The following CYP2C19 variants were observed in gnomAD, a reference collection of about 807,000 sequenced individuals.
CYP2C19 encodes the protein cytochrome P450 family 2 subfamily C member 19.
Under a neutral mutation model 40.9 loss-of-function variants are expected in CYP2C19, and 59 were observed. That is an observed-to-expected ratio of 1.44 (90% CI 1.17 to 1.79). The LOEUF is 1.79. Among genes scored for constraint, CYP2C19 ranks in the 40% most tolerant of loss-of-function variants. The pLI, the probability that CYP2C19 is intolerant of heterozygous loss-of-function variation, is 0.00. For synonymous variants in CYP2C19, 253 were observed against 208.7 expected, an observed-to-expected ratio of 1.21 and a Z score of -1.83; for missense variants, 754 against 596.9, an observed-to-expected ratio of 1.26 and a Z score of -2.74.
chr10:94,779,733 G>T (rs957406028), intron 3 of CYP2C19, among the ~76,000 whole-genome samples: 3 of 151,502 alleles, frequency 2.0e-5, no homozygotes, highest in Non-Finnish European at 4.4e-5. Context: ...ACTAATTTTT[G>T]CATCCTTAGC....
At chr10:94,798,475 G>T (rs868568404) in intron 5 of CYP2C19, among the ~76,000 whole-genome samples, 1 of 152,108 alleles carries the variant, frequency 6.6e-6, no homozygotes, top group Admixed American at 6.5e-5. Context: ...CTGTTGATTT[G>T]GGGTGGCGAG....
chr10:94,844,266 A>G (rs1388202795), intron 7 of CYP2C19, among the ~76,000 whole-genome samples: 2 of 152,242 alleles, frequency 1.3e-5, no homozygotes, highest in Non-Finnish European at 2.9e-5. Context: ...GCAGAATTTC[A>G]GAGGATGTTT....
intron 7 of CYP2C19, among the ~76,000 whole-genome samples, chr10:94,848,539 T>C: frequency 6.6e-6 from 1 of 152,184 alleles, no homozygotes; most frequent in African/African-American, 2.4e-5. Flanking sequence ...TCTTTTGGCT[T>C]AGGATTGACT....
At chr10:94,799,139 A>G (rs1409779257) in intron 5 of CYP2C19, among the ~76,000 whole-genome samples, 1 of 151,812 alleles carries the variant, frequency 6.6e-6, no homozygotes, top group African/African-American at 2.4e-5. Flanking sequence ...AGTGGCTCGT[A>G]TGGTTTGTTC....
At chr10:94,847,421 G>A (rs900459663) in intron 7 of CYP2C19, among the ~76,000 whole-genome samples, 6 of 152,098 alleles carry the variant, frequency 3.9e-5, no homozygotes, top group Admixed American at 1.3e-4. Context: ...CATTTTTTAT[G>A]GCTGTGTAGT....
chr10:94,839,836 G>C (rs1232256952), intron 6 of CYP2C19, among the ~76,000 whole-genome samples: 1 of 152,198 alleles, frequency 6.6e-6, no homozygotes, highest in Non-Finnish European at 1.5e-5. Flanking sequence ...TGTCTGGTCG[G>C]ACTGTTGTAT....
intron 5 of CYP2C19, among the ~76,000 whole-genome samples, chr10:94,789,736 T>C (rs1214485740): frequency 2.6e-5 from 4 of 152,044 alleles, no homozygotes; most frequent in Non-Finnish European, 5.9e-5. Flanking sequence ...ATGCTGTTTT[T>C]ATTACTTCGG....
intron 1 of CYP2C19, among the ~76,000 whole-genome samples, chr10:94,765,776 C>G (rs979431772): frequency 3.3e-5 from 5 of 152,026 alleles, no homozygotes; most frequent in Non-Finnish European, 7.4e-5. Context: ...GACAATCCAT[C>G]TGGATAGAGC....
chr10:94,816,466 G>T (rs892151248), intron 5 of CYP2C19, among the ~76,000 whole-genome samples: 2 of 151,986 alleles, frequency 1.3e-5, no homozygotes, highest in Non-Finnish European at 2.9e-5. Context: ...ATACCAAACA[G>T]CAGGCTATTT....
At chr10:94,837,800 C>T (rs1849428420) in intron 6 of CYP2C19, among the ~76,000 whole-genome samples, 1 of 152,164 alleles carries the variant, frequency 6.6e-6, no homozygotes, top group Non-Finnish European at 1.5e-5. Context: ...CCCAGGCACC[C>T]TCAGTCCTGC....
chr10:94,847,850 G>C (rs1415721283), intron 7 of CYP2C19, among the ~76,000 whole-genome samples: 1 of 152,110 alleles, frequency 6.6e-6, no homozygotes, highest in Non-Finnish European at 1.5e-5. Context: ...ATTTTTTCAA[G>C]TGCTTTTGGC....
intron 6 of CYP2C19, among the ~76,000 whole-genome samples, chr10:94,827,755 T>C (rs1043449512): frequency 6.6e-6 from 1 of 152,226 alleles, no homozygotes; most frequent in African/African-American, 2.4e-5. Flanking sequence ...ATTGTGATGT[T>C]AGGGTGTCTA....
intron 7 of CYP2C19, among the ~76,000 whole-genome samples, chr10:94,844,246 G>T (rs1157137948): frequency 1.3e-5 from 2 of 152,294 alleles, no homozygotes; most frequent in South Asian, 4.1e-4. Flanking sequence ...GATGTTATGT[G>T]TAAGAAAGTG....
intron 6 of CYP2C19, among the ~76,000 whole-genome samples, chr10:94,828,198 G>C (rs1346296339): frequency 2.0e-5 from 3 of 152,066 alleles, no homozygotes; most frequent in Non-Finnish European, 4.4e-5. Context: ...GCAGACCTGA[G>C]TTCAATTCCT....
At chr10:94,808,621 C>A (rs572088513) in intron 5 of CYP2C19, among the ~76,000 whole-genome samples, 1 of 152,094 alleles carries the variant, frequency 6.6e-6, no homozygotes, top group African/African-American at 2.4e-5. Context: ...ATCTTTCTAC[C>A]CTGTATCTCC....
intron 5 of CYP2C19, among the ~76,000 whole-genome samples, chr10:94,816,271 T>C (rs1223664383): frequency 6.7e-6 from 1 of 150,154 alleles, no homozygotes; most frequent in Non-Finnish European, 1.5e-5. Flanking sequence ...TTTTTATTTT[T>C]ATTTTTTTTA....
At chr10:94,781,694 T>C in intron 4 of CYP2C19, 127 bp from the exon 5 acceptor site, 1 of 386,890 alleles carries the variant, frequency 2.6e-6, no homozygotes, top group Non-Finnish European at 4.3e-6. Flanking sequence ...CAATAAAAAT[T>C]TCCCCATCAA....
rs1447345493 is a variant in CYP2C19, at chr10:94,851,486, ATAAATAAG to A, written c.1292-1246_1292-1239del. ...AATAAATAAATAAATAAATAAATAA[ATAAATAAG>A]AAATAAGAAATTATGATTCTAGGTG... is the stretch of plus-strand genomic sequence containing the variant. On this transcript the variant is annotated intron_variant, in intron 8 of 8. Coordinates refer to ENST00000371321, the MANE Select transcript of CYP2C19 (RefSeq NM_000769.4). Among the ~76,000 whole-genome samples, 3 of 115,836 alleles carry A rather than the reference ATAAATAAG, an allele frequency of 2.6e-5. 1 individual carries two copies. The highest frequency in any genetic ancestry group is 5.8e-5 in the Non-Finnish European group (3 of 52,062). 76.0% of individuals were successfully genotyped at this position (115,836 alleles called of 152,430 possible). A position where few individuals can be genotyped will look rare whatever the true frequency, so the allele number is the denominator to read the frequency against.
chr10:94,793,830 C>G lies in CYP2C19; in HGVS notation c.819+11833C>G, dbSNP rs149778534. ...CCAGGTACCCACTTGAGGAGGCAGT[C>G]TGTCCATTCTCAGATTTCAAACTTC... is the stretch of plus-strand genomic sequence containing the variant. On this transcript the variant is annotated intron_variant, in intron 5 of 8. Coordinates refer to ENST00000371321, the MANE Select transcript of CYP2C19 (RefSeq NM_000769.4). 3.4e-3 allele frequency among the ~76,000 whole-genome samples: 517 copies of G among 152,294 alleles called. 2 individuals carry two copies. The highest frequency in any genetic ancestry group is 0.012 in the African/African-American group (501 of 41,562).
Sources: allele counts gnomAD v4.1 joint callset (sites outside exome capture counted in the v4.1 genomes callset), GRCh38; gene constraint gnomAD v4.1.1; transcripts MANE v1.5; gene names NCBI Gene and HGNC (gene_info 2026-07-23, HGNC 2026-07-21).